NAALADL2: variants seen among roughly 807,000 people sequenced by gnomAD.
The protein encoded by NAALADL2 is inactive N-acetylated-alpha-linked acidic dipeptidase-like protein 2.
In NAALADL2, 76 loss-of-function variants were observed where a neutral mutation model predicts 87.2. The ratio of observed to expected loss-of-function variants is 0.87; its 90% confidence interval spans 0.72 to 1.05. NAALADL2 has a LOEUF of 1.05. NAALADL2 is among the 50% of genes least tolerant of loss of function. NAALADL2 has a pLI of 0.00. For synonymous variants in NAALADL2, 354 were observed against 331.0 expected, an observed-to-expected ratio of 1.07 and a Z score of -0.75; for missense variants, 1,089 against 945.8, an observed-to-expected ratio of 1.15 and a Z score of -1.99.
chr3:174,454,307 C>G (rs1715679813), intron 1 of NAALADL2, among the ~76,000 whole-genome samples: 1 of 152,108 alleles, frequency 6.6e-6, no homozygotes, highest in Non-Finnish European at 1.5e-5. Context: ...ACATCAACAT[C>G]TCACTCACAG....
chr3:175,208,184 G>GATAC (rs779042467), intron 2 of NAALADL2, among the ~76,000 whole-genome samples: 1 of 151,882 alleles, frequency 6.6e-6, no homozygotes, highest in Non-Finnish European at 1.5e-5. Flanking sequence ...TGATCCTACC[G>GATAC]TTACTTATTT....
chr3:174,597,000 A>G (rs1358323587), intron 2 of NAALADL2, among the ~76,000 whole-genome samples: 2 of 152,162 alleles, frequency 1.3e-5, no homozygotes, highest in Non-Finnish European at 2.9e-5. Flanking sequence ...CTCTGGGAAG[A>G]TGAAGCTTTC....
chr3:175,790,463 G>C (rs1171162215), intron 13 of NAALADL2, among the ~76,000 whole-genome samples: 1 of 152,084 alleles, frequency 6.6e-6, no homozygotes, highest in South Asian at 2.1e-4. Context: ...GCTTGAAAAA[G>C]CATTTTATTT....
At chr3:174,604,451 G>A (rs1266744385) in intron 2 of NAALADL2, among the ~76,000 whole-genome samples, 2 of 151,886 alleles carry the variant, frequency 1.3e-5, no homozygotes, top group African/African-American at 2.4e-5. Context: ...GTCTATATGT[G>A]TCCTCATAGG....
intron 1 of NAALADL2, among the ~76,000 whole-genome samples, chr3:175,062,649 C>T (rs139489043): frequency 7.2e-5 from 11 of 152,130 alleles, no homozygotes; most frequent in Non-Finnish European, 1.5e-4. Context: ...GCTATTGATC[C>T]ATTTGTCTCT....
Position 175,249,626 on chromosome 3 carries a change from TTATTTTTTATTA to T in NAALADL2, c.820-6784_820-6773del, listed in dbSNP as rs1748643095. 1.1e-4 allele frequency among the ~76,000 whole-genome samples: 16 copies of T among 152,274 alleles called. No homozygotes were observed. In the South Asian group the frequency reaches 3.1e-3, roughly 30 times the overall value. On this transcript the variant is annotated intron_variant, in intron 3 of 13. Transcript: ENST00000454872. ...GAAACAAAAATTATTGTGTTGGAAGTTATTTTTTATTAACTTCCAAGTAGTTTTGTTCCTCCC... is the reference window on the plus strand; with the variant it reads ...GAAACAAAAATTATTGTGTTGGAAGTACTTCCAAGTAGTTTTGTTCCTCCC...
chr3:175,079,596 A>G (rs1308501896), intron 1 of NAALADL2: 1 of 152,222 alleles, frequency 6.6e-6, no homozygotes, highest in East Asian at 1.9e-4. Context: ...ATCTGGGTCT[A>G]AAGCAGGAGA....
At position 175,116,661 on chromosome 3, in the gene NAALADL2, A is replaced by G. The variant is rs569049223; in HGVS notation, c.545+19370A>G. 3.9e-5 allele frequency among the ~76,000 whole-genome samples: 6 copies of G among 152,234 alleles called. No homozygotes were observed. The South Asian group carries it at 1.2e-3, about 32-fold the overall frequency. On this transcript the variant is annotated intron_variant, in intron 2 of 13. Coordinates refer to ENST00000454872, the MANE Select transcript of NAALADL2 (RefSeq NM_207015.3). ...ATTGTGAAAATGGCCATACTGCCCA[A>G]TGTAATTTATGGATTCAATGCCATC...
chr3:174,642,666 C>G, intron 2 of NAALADL2, among the ~76,000 whole-genome samples: 1 of 148,808 alleles, frequency 6.7e-6, no homozygotes, highest in Non-Finnish European at 1.5e-5. Context: ...AGACCTCTTG[C>G]AGTCTTGGTT....
At chr3:174,663,879 C>T (rs922805593) in intron 2 of NAALADL2, among the ~76,000 whole-genome samples, 24 of 151,766 alleles carry the variant, frequency 1.6e-4, no homozygotes, top group African/African-American at 5.3e-4. Flanking sequence ...CCTCTGCCTC[C>T]TGGGTCCAAG....
intron 2 of NAALADL2, among the ~76,000 whole-genome samples, chr3:175,203,491 G>A (rs1306546993): frequency 2.6e-5 from 4 of 152,134 alleles, no homozygotes; most frequent in African/African-American, 9.7e-5. Context: ...ATAGTGTTTG[G>A]ACTGTTTCCT....
At chr3:175,019,353 T>C (rs1751270972) in intron 1 of NAALADL2, among the ~76,000 whole-genome samples, 1 of 152,064 alleles carries the variant, frequency 6.6e-6, no homozygotes, top group Admixed American at 6.6e-5. Context: ...AATAACTCTG[T>C]GTACTAATTT....
intron 2 of NAALADL2, among the ~76,000 whole-genome samples, chr3:174,713,747 G>T (rs1730912404): frequency 6.6e-6 from 1 of 151,610 alleles, no homozygotes; most frequent in Non-Finnish European, 1.5e-5. Context: ...CCATTTTGTA[G>T]GTTGCCTGTT....
At chr3:174,456,837 AG>A (rs1381619280) in intron 1 of NAALADL2, among the ~76,000 whole-genome samples, 3 of 152,182 alleles carry the variant, frequency 2.0e-5, no homozygotes, top group Non-Finnish European at 4.4e-5. Context: ...AGACACCAAA[AG>A]CAATTGCAGC....
chr3:175,545,698 C>A (rs1713193562), intron 9 of NAALADL2, among the ~76,000 whole-genome samples: 1 of 152,108 alleles, frequency 6.6e-6, no homozygotes, highest in Admixed American at 6.6e-5. Flanking sequence ...TATTCCAGGG[C>A]TTGTTAGCTT....
intron 9 of NAALADL2, among the ~76,000 whole-genome samples, chr3:175,489,533 A>G (rs1727757793): frequency 6.6e-6 from 1 of 152,214 alleles, no homozygotes; most frequent in Non-Finnish European, 1.5e-5. Flanking sequence ...AAAGCTTGAC[A>G]ATTCTAGATA....
chr3:175,192,132 T>G (rs546502674), intron 2 of NAALADL2, among the ~76,000 whole-genome samples: 1 of 152,220 alleles, frequency 6.6e-6, no homozygotes, highest in East Asian at 1.9e-4. Flanking sequence ...TATCAAACAC[T>G]TTGGGCTTTA....
rs552174707 is a variant in NAALADL2, at chr3:174,529,859, C to T, written c.-183-20710C>T. On this transcript the variant is annotated intron_variant, in intron 1 of 3. Transcript: ENST00000434257. ...GCACACAGCACAGAGACCCTGGGCC[C>T]GGCTCACAAAACCACTTTTTCTTCC... Among the ~76,000 whole-genome samples, 11 of 152,178 alleles carry T rather than the reference C, an allele frequency of 7.2e-5. No individual in the cohort carries two copies. In the South Asian group the frequency reaches 1.9e-3, roughly 26 times the overall value.
Position 175,789,216 on chromosome 3 carries a change from T to C in NAALADL2, c.2190-13789T>C, listed in dbSNP as rs78140854. Among the ~76,000 whole-genome samples the C allele has an allele frequency of 1.7e-4, 26 of 152,314 alleles. No individual in the cohort carries two copies. The East Asian group carries it at 4.2e-3, about 25-fold the overall frequency. On this transcript the variant is annotated intron_variant, in intron 13 of 13. Coordinates refer to ENST00000454872, the MANE Select transcript of NAALADL2 (RefSeq NM_207015.3). ...ATAGCAGTAGGTGCCTAATAAATAC[T>C]TGATGAATGAGCTCTCAAGGTAATT...
Sources: allele counts gnomAD v4.1 joint callset (sites outside exome capture counted in the v4.1 genomes callset), GRCh38; gene constraint gnomAD v4.1.1; transcripts MANE v1.5; gene names NCBI Gene and HGNC (gene_info 2026-07-23, HGNC 2026-07-21).